FN1: variants seen among roughly 807,000 people sequenced by gnomAD.
FN1 encodes fibronectin 1.
FN1 carries 106 observed loss-of-function variants against 297.3 expected under a neutral mutation model. The ratio of observed to expected loss-of-function variants is 0.36; its 90% confidence interval spans 0.30 to 0.42. The LOEUF (loss-of-function observed/expected upper bound fraction) is 0.42, where lower values mean the gene tolerates loss of function less well. Among genes scored for constraint, FN1 ranks in the 10% least tolerant of loss-of-function variants. FN1 has a pLI of 1.00. For missense variants in FN1, 2,690 were observed against 3,124.9 expected (o/e 0.86, Z 3.32); for synonymous variants, 1,149 against 1,152.6 (o/e 1.00, Z 0.06).
intron 42 of FN1, chr2:215,367,649 C>T (rs1266240029): frequency 5.0e-6 from 3 of 600,112 alleles, no homozygotes; most frequent in Non-Finnish European, 6.0e-6. Context: ...GTTGTATTGG[C>T]ATACAACCCT....
intron 40 of FN1, among the ~76,000 whole-genome samples, chr2:215,370,848 T>C (rs1010232709): frequency 6.6e-6 from 1 of 152,198 alleles, no homozygotes; most frequent in African/African-American, 2.4e-5. Context: ...CTGACCCCAG[T>C]GTGGAGTCCT....
In FN1 at chr2:215,431,791, A is replaced by T. The variant is rs192237938; in HGVS notation, c.547+42T>A. On this transcript the variant is annotated intron_variant, in intron 4 of 45. Coordinates refer to ENST00000354785, the MANE Select transcript of FN1 (RefSeq NM_212482.4). ...GATTCTGGTCCAACCCCACATTAGA[A>T]CTAAGCATCCCAGCTCTTGCTCAGC... The T allele has an allele frequency of 5.8e-4, 931 of 1,610,972 alleles. 8 individuals are homozygous for T. The African/African-American group carries it at 0.011, about 19-fold the overall frequency.
chr2:215,367,653 C>G, intron 42 of FN1: 1 of 608,014 alleles, frequency 1.6e-6, no homozygotes, highest in South Asian at 1.9e-5. Flanking sequence ...TATTGGCATA[C>G]AACCCTTGAA....
intron 6 of FN1, among the ~76,000 whole-genome samples, chr2:215,425,519 G>A (rs1480941653): frequency 6.6e-6 from 1 of 152,100 alleles, no homozygotes; most frequent in African/African-American, 2.4e-5. Flanking sequence ...TGGGGCTACT[G>A]GGATTATATT....
chr2:215,393,167 A>T lies in FN1; in HGVS notation c.3833T>A (p.Ile1278Lys), dbSNP rs962014857. ...PQLTDLSFVD[I>K]TDSSIGLRWT... Reference sequence around the variant, plus strand: ...CCTCAGGCCGATGCTTGAATCGGTTATATCAACAAAGCTTAGGTCAGTGAG... The same window carrying T: ...CCTCAGGCCGATGCTTGAATCGGTTTTATCAACAAAGCTTAGGTCAGTGAG... The change falls in exon 25 of 46, where the codon ATA becomes AAA. Residue 1278 changes from isoleucine (I) to lysine (K), a missense_variant. By Grantham distance (102) the Ile-to-Lys change is moderately radical. Coordinates refer to ENST00000354785, the MANE Select transcript of FN1 (RefSeq NM_212482.4). The T allele has an allele frequency of 1.2e-6, 2 of 1,614,038 alleles. No homozygotes were observed. The highest frequency in any genetic ancestry group is 1.7e-5 in the Admixed American group (1 of 60,004).
At chr2:215,377,054 GTGTA>G (rs1485152488) in intron 35 of FN1, among the ~76,000 whole-genome samples, 14 of 138,590 alleles carry the variant, frequency 1.0e-4, no homozygotes, top group Admixed American at 5.6e-4. Flanking sequence ...GTGTGTGTGT[GTGTA>G]TGTGTGTGTG....
At chr2:215,364,515 C>G in intron 44 of FN1, 1 of 342,180 alleles carries the variant, frequency 2.9e-6, no homozygotes, top group Non-Finnish European at 5.6e-6. Flanking sequence ...TGAATAGTAT[C>G]TCTGCTTCAC....
intron 38 of FN1, 68 bp downstream of exon 38, chr2:215,375,146 G>A: frequency 6.9e-7 from 1 of 1,445,918 alleles, no homozygotes; most frequent in Non-Finnish European, 9.7e-7. Flanking sequence ...GACGCTGTGG[G>A]AGTTTGCTAA....
In FN1 at chr2:215,397,752, A is replaced by G; in HGVS notation, c.3445T>C (p.Tyr1149His). The stretch of plus-strand genomic sequence containing the variant: ...CTCAGGACTTGGATGGTGTAGACGT[A>G]TTCTACTCCTGGAGTCAAGCCGGAC... ...VVSGLTPGVEYVYTIQVLRDG... is the reference protein window; with the variant it reads ...VVSGLTPGVEHVYTIQVLRDG... The change falls in exon 22 of 46, where the codon TAC becomes CAC. Residue 1149 changes from tyrosine (Y) to histidine (H), a missense_variant. By Grantham distance (83) the Tyr-to-His change is moderately conservative. Coordinates refer to ENST00000354785, the MANE Select transcript of FN1 (RefSeq NM_212482.4). 6.2e-7 allele frequency: 1 copy of G among 1,613,566 alleles called. No homozygotes were observed. The highest frequency in any genetic ancestry group is 8.5e-7 in the Non-Finnish European group (1 of 1,179,532).
chr2:215,362,057 C>T lies in FN1; in HGVS notation c.7274G>A (p.Arg2425His), dbSNP rs148505961. 1,013 of 1,613,838 alleles carry T rather than the reference C, an allele frequency of 6.3e-4. No homozygotes were observed. The highest frequency in any genetic ancestry group is 8.2e-4 in the Non-Finnish European group (966 of 1,179,846). The stretch of plus-strand genomic sequence containing the variant: ...GGGACTGGGTTCACCCCCAGGTCTG[C>T]GGCAGTTGTCACAGCGCCAGCCCTG... ...GQRGWRCDNC[R>H]RPGGEPSPEG... The change falls in exon 45 of 46, where the codon CGC (arginine) becomes CAC (histidine). Residue 2425 changes from arginine (R) to histidine (H), a missense_variant. By Grantham distance (29) the Arg-to-His change is conservative. Coordinates refer to ENST00000354785, the MANE Select transcript of FN1 (RefSeq NM_212482.4).
rs1231345757 is a variant in FN1, at chr2:215,404,389, G to A, written c.3253C>T (p.Leu1085=). ...AAAAGGCACTTAATTTTCAGCTTACGTGTGGTAAAGACTCCAGTGGCTTTG... is the reference window on the plus strand; with the variant it reads ...AAAAGGCACTTAATTTTCAGCTTACATGTGGTAAAGACTCCAGTGGCTTTG... ...SPKATGVFTT[L]QPGSSIPPYN... The change falls in exon 20 of 46, where the codon CTG becomes TTG. Residue 1085 remains leucine (L), a splice_region_variant and synonymous_variant. Transcript: ENST00000354785. 12 of 1,613,434 alleles carry A rather than the reference G, an allele frequency of 7.4e-6. No homozygotes were observed. The highest frequency in any genetic ancestry group is 2.7e-5 in the African/African-American group (2 of 74,810).
At chr2:215,361,662 C>CAAAT (rs1559295920) in intron 45 of FN1, 36 bp from the exon 46 acceptor site, 3 of 1,467,062 alleles carry the variant, frequency 2.0e-6, no homozygotes, top group South Asian at 1.1e-5. Flanking sequence ...AAATTAGTGG[C>CAAAT]AAATACTGTA....
At chr2:215,408,703 G>C (rs2062135322) in intron 15 of FN1, among the ~76,000 whole-genome samples, 1 of 152,036 alleles carries the variant, frequency 6.6e-6, no homozygotes, top group Non-Finnish European at 1.5e-5. Flanking sequence ...GAGTAGCTGG[G>C]ATTACAGGTG....
chr2:215,395,963 T>TA (rs1304479343), intron 23 of FN1, among the ~76,000 whole-genome samples: 1 of 152,212 alleles, frequency 6.6e-6, no homozygotes, highest in Non-Finnish European at 1.5e-5. Flanking sequence ...AGCTTTGGCT[T>TA]AAACAATGTT....
At chr2:215,408,523 A>C in intron 15 of FN1, 97 bp from the exon 16 acceptor site, 1 of 1,235,124 alleles carries the variant, frequency 8.1e-7, no homozygotes, top group Non-Finnish European at 1.2e-6. Context: ...TTATATATTC[A>C]TAGGGAAAAG....
Position 215,388,278 on chromosome 2 carries a change from C to T in FN1, c.4276G>A (p.Val1426Ile). Residue 1426 changes from valine to isoleucine, a missense_variant, in exon 27 of 46, where the codon GTA becomes ATA. This residue lies in a region of FN1 where 1,743 missense variants were observed against 1,945.2 expected (regional missense o/e 0.90). Coordinates refer to ENST00000354785, the MANE Select transcript of FN1 (RefSeq NM_212482.4). Reference protein sequence around the residue: ...LTNLLPGTEYVVSVSSVYEQH... With the variant: ...LTNLLPGTEYIVSVSSVYEQH... Reference sequence around the variant, plus strand: ...TCGTAGACACTGGAGACACTCACTACATATTCTGTACCAGGCAGGAGATCT... The same window carrying T: ...TCGTAGACACTGGAGACACTCACTATATATTCTGTACCAGGCAGGAGATCT... 6.2e-7 allele frequency: 1 copy of T among 1,613,826 alleles called. No homozygotes were observed. Among genetic ancestry groups the T allele is most frequent in the South Asian group, 1.1e-5 (1 of 91,088 alleles).
intron 44 of FN1, chr2:215,362,843 G>A (rs1166459427): frequency 1.3e-5 from 2 of 152,540 alleles, no homozygotes; most frequent in Non-Finnish European, 2.9e-5. Flanking sequence ...ACCATCAGCA[G>A]AGACCCCGCT....
At chr2:215,421,151 A>C in intron 10 of FN1, 1 of 334,900 alleles carries the variant, frequency 3.0e-6, no homozygotes. Context: ...TCCTTTAAAT[A>C]TCTGCTTGTT....
chr2:215,399,312 A>C lies in FN1; in HGVS notation c.3293T>G (p.Val1098Gly). 1 of 1,614,014 alleles carries C rather than the reference A, an allele frequency of 6.2e-7. No individual in the cohort carries two copies. The highest frequency in any genetic ancestry group is 8.5e-7 in the Non-Finnish European group (1 of 1,179,940). The change falls in exon 21 of 46, where the codon GTG (valine) becomes GGG (glycine). Residue 1098 changes from valine to glycine, a missense_variant. Val to Gly is a moderately radical substitution (Grantham distance 109, BLOSUM62 -3). Coordinates refer to ENST00000354785, the MANE Select transcript of FN1 (RefSeq NM_212482.4). Reference sequence around the variant, plus strand: ...TGTGATCACAATGGTGGTCTCAGTCACCTCGGTGTTGTAAGGTGGAATAGA... The same window carrying C: ...TGTGATCACAATGGTGGTCTCAGTCCCCTCGGTGTTGTAAGGTGGAATAGA... ...GSSIPPYNTE[V>G]TETTIVITWT... is the part of the protein sequence containing the mutation.
Sources: gnomAD v4.1 joint callset for allele counts (sites outside exome capture counted in the v4.1 genomes callset) on GRCh38, gnomAD v4.1.1 for gene constraint, gnomAD v4.1.1 regional missense constraint, MANE v1.5 for transcripts, NCBI Gene and HGNC (gene_info 2026-07-23, HGNC 2026-07-21) for gene names.